BRCA2: variants seen among roughly 807,000 people sequenced by gnomAD.
BRCA2 encodes BRCA2 DNA repair associated, also known as breast cancer type 2 susceptibility protein.
Under a neutral mutation model 276.7 loss-of-function variants are expected in BRCA2, and 203 were observed. That is an observed-to-expected ratio of 0.73 (90% CI 0.65 to 0.82). BRCA2 has a LOEUF of 0.82. Ranked by LOEUF, BRCA2 falls within the 40% of genes least tolerant of loss-of-function variation. The pLI is 0.00. For missense variants in BRCA2, 3,920 were observed against 3,915.0 expected, an observed-to-expected ratio of 1.00 and a Z score of -0.03; for synonymous variants, 1,289 against 1,338.4, an observed-to-expected ratio of 0.96 and a Z score of 0.81.
chr13:32,350,329 A>G (rs1015250866), intron 13 of BRCA2, among the ~76,000 whole-genome samples: 1 of 152,228 alleles, frequency 6.6e-6, no homozygotes, highest in Non-Finnish European at 1.5e-5. Flanking sequence ...AACAGAATGA[A>G]AAGAGGTTTA....
intron 12 of BRCA2, 93 bp from the exon 13 acceptor site, chr13:32,346,734 C>T: frequency 1.0e-6 from 1 of 954,154 alleles, no homozygotes; most frequent in Non-Finnish European, 1.6e-6. Context: ...ATTGTAAAGC[C>T]TATAATTGTC....
At chr13:32,377,223 C>T (rs550297568) in intron 21 of BRCA2, among the ~76,000 whole-genome samples, 15 of 152,146 alleles carry the variant, frequency 9.9e-5, no homozygotes, top group South Asian at 2.1e-4. Flanking sequence ...GAAATGTTTC[C>T]GAAGCACTAA....
chr13:32,396,270 G>A (rs548917579), intron 25 of BRCA2, among the ~76,000 whole-genome samples: 4 of 152,154 alleles, frequency 2.6e-5, no homozygotes, highest in Admixed American at 2.6e-4. Context: ...CACCGAGCCC[G>A]CATTTTCTCT....
chr13:32,397,588 G>C (rs11571826), intron 26 of BRCA2, among the ~76,000 whole-genome samples: 1 of 151,968 alleles, frequency 6.6e-6, no homozygotes, highest in Non-Finnish European at 1.5e-5. Flanking sequence ...TCTCATCACT[G>C]TTCTAACAAA....
Position 32,326,169 on chromosome 13 carries a change from C to T in BRCA2, c.475+19C>T, listed in dbSNP as rs1254377915. On this transcript the variant is annotated intron_variant, in intron 5 of 26. Transcript: ENST00000380152. ...AAGTCAGGTATGATTAAAAACAATG[C>T]TTTTTATTCTTAGAATACTAGAAAT... 2.5e-6 allele frequency: 4 copies of T among 1,606,862 alleles called. No individual in the cohort carries two copies. The highest frequency in any genetic ancestry group is 1.1e-5 in the South Asian group (1 of 90,832).
At position 32,337,649 on chromosome 13, in the gene BRCA2, T is replaced by C; in HGVS notation, c.3294T>C (p.Asn1098=). Residue 1098 remains asparagine (N), a synonymous_variant, in exon 11 of 27, where the codon AAT becomes AAC. Coordinates refer to ENST00000380152, the MANE Select transcript of BRCA2 (RefSeq NM_000059.4). The part of the protein sequence containing the change: ...PQMLFSKQDF[N]SNHNLTPSQK... The stretch of plus-strand genomic sequence containing the variant: ...TGTTATTTTCCAAGCAGGATTTTAA[T>C]TCAAACCATAATTTAACACCTAGCC... 6.3e-7 allele frequency: 1 copy of C among 1,588,508 alleles called. No homozygotes were observed. The highest frequency in any genetic ancestry group is 1.7e-4 in the Middle Eastern group (1 of 5,912).
intron 3 of BRCA2, among the ~76,000 whole-genome samples, chr13:32,321,471 T>C (rs1439401881): frequency 6.6e-6 from 1 of 152,232 alleles, no homozygotes; most frequent in African/African-American, 2.4e-5. Flanking sequence ...CAGTTTTTGC[T>C]GAATCTTGAA....
intron 18 of BRCA2, among the ~76,000 whole-genome samples, chr13:32,368,649 T>G (rs1275848028): frequency 6.6e-6 from 1 of 151,980 alleles, no homozygotes; most frequent in Non-Finnish European, 1.5e-5. Context: ...AGGGTAGTAA[T>G]GTAGTGATTT....
At chr13:32,350,961 G>A (rs577294030) in intron 13 of BRCA2, among the ~76,000 whole-genome samples, 1 of 152,040 alleles carries the variant, frequency 6.6e-6, no homozygotes, top group South Asian at 2.1e-4. Flanking sequence ...TCTGTGTCTA[G>A]CTAAAGGTTT....
Position 32,337,833 on chromosome 13 carries a change from A to C in BRCA2, c.3478A>C (p.Arg1160=). ...TILKTTSEEC[R]DADLHVIMNA... ...CTTAAAGACCACTTCTGAGGAATGC[A>C]GAGATGCTGATCTTCATGTCATAAT... Residue 1160 remains arginine (R), a synonymous_variant, in exon 11 of 27, where the codon AGA becomes CGA. Coordinates refer to ENST00000380152, the MANE Select transcript of BRCA2 (RefSeq NM_000059.4). The C allele has an allele frequency of 6.2e-7, 1 of 1,614,096 alleles. No homozygotes were observed. The highest frequency in any genetic ancestry group is 8.5e-7 in the Non-Finnish European group (1 of 1,179,972).
rs730881585 is a variant in BRCA2 at position 32,332,537 on chromosome 13, A to G, written c.1059A>G (p.Ser353=). ...AAAACCAAGTGAAAGAAAAATACTC[A>G]TTTGTATCTGAAGTGGAACCAAATG... ...KSKNQVKEKY[S]FVSEVEPNDT... Residue 353 remains serine (S), a synonymous_variant, in exon 10 of 27, where the codon TCA becomes TCG. Transcript: ENST00000380152. 3.0e-5 allele frequency: 49 copies of G among 1,612,472 alleles called. No homozygotes were observed. Among genetic ancestry groups the G allele is most frequent in the Non-Finnish European group, 4.1e-5 (48 of 1,179,666 alleles).
intron 11 of BRCA2, among the ~76,000 whole-genome samples, chr13:32,343,139 G>T (rs1221547082): frequency 5.9e-5 from 9 of 151,962 alleles, no homozygotes; most frequent in African/African-American, 2.2e-4. Context: ...ATGTCATTAT[G>T]TGGCAAATGA....
chr13:32,322,249 G>A (rs2072310663), intron 3 of BRCA2, among the ~76,000 whole-genome samples: 1 of 152,114 alleles, frequency 6.6e-6, no homozygotes, highest in Non-Finnish European at 1.5e-5. Flanking sequence ...ACAGAATATA[G>A]CATTTTCAGA....
chr13:32,340,865 A>C lies in BRCA2; in HGVS notation c.6510A>C (p.Lys2170Asn). ...AACAACAGTTGGTATTAGGAACCAA[A>C]GTGTCACTTGTTGAGAACATTCATG... is the stretch of plus-strand genomic sequence containing the variant. ...QDKQQLVLGT[K>N]VSLVENIHVL... The change falls in exon 11 of 27, where the codon AAA becomes AAC. Residue 2170 changes from lysine (K) to asparagine (N), a missense_variant. By Grantham distance (94) the Lys-to-Asn change is moderately conservative (BLOSUM62 0). Coordinates refer to ENST00000380152, the MANE Select transcript of BRCA2 (RefSeq NM_000059.4). 1 of 1,600,566 alleles carries C rather than the reference A, an allele frequency of 6.2e-7. No individual in the cohort carries two copies. The highest frequency in any genetic ancestry group is 1.1e-5 in the South Asian group (1 of 87,652).
At chr13:32,381,434 G>A (rs960143636) in intron 24 of BRCA2, among the ~76,000 whole-genome samples, 1 of 152,144 alleles carries the variant, frequency 6.6e-6, no homozygotes, top group African/African-American at 2.4e-5. Flanking sequence ...TGAGGAGAGA[G>A]ACCTCCCTGG....
At chr13:32,361,144 A>G (rs1256112203) in intron 16 of BRCA2, among the ~76,000 whole-genome samples, 1 of 152,224 alleles carries the variant, frequency 6.6e-6, no homozygotes, top group Non-Finnish European at 1.5e-5. Flanking sequence ...CTTGAAGGCC[A>G]TGAAAAAGAG....
chr13:32,350,530 A>C (rs1048693857), intron 13 of BRCA2, among the ~76,000 whole-genome samples: 5 of 152,128 alleles, frequency 3.3e-5, no homozygotes, highest in African/African-American at 1.2e-4. Context: ...CGGGTGGATC[A>C]CAAGGTCAGG....
Position 32,338,115 on chromosome 13 carries a change from G to A in BRCA2, c.3760G>A (p.Glu1254Lys), listed in dbSNP as rs771112270. ...IENISEETSA[E>K]VHPISLSSSK... ...GAATATTAGTGAGGAAACTTCTGCA[G>A]AGGTACATCCAATAAGTTTATCTTC... Residue 1254 changes from glutamate (E) to lysine (K), a missense_variant, in exon 11 of 27, where the codon GAG becomes AAG. Physicochemically the swap from Glu to Lys is moderately conservative, Grantham distance 56 (BLOSUM62 1). Transcript: ENST00000380152. 1 of 1,609,474 alleles carries A rather than the reference G, an allele frequency of 6.2e-7. No individual in the cohort carries two copies. The highest frequency in any genetic ancestry group is 2.2e-5 in the East Asian group (1 of 44,856).
chr13:32,356,045 C>T (rs182212792), intron 14 of BRCA2, among the ~76,000 whole-genome samples: 24 of 149,374 alleles, frequency 1.6e-4, no homozygotes, highest in African/African-American at 4.2e-4. Flanking sequence ...ACAGGGCTTG[C>T]GCTTTTTTTT....
Sources: gnomAD v4.1 joint callset for allele counts (sites outside exome capture counted in the v4.1 genomes callset) on GRCh38, gnomAD v4.1.1 for gene constraint, MANE v1.5 for transcripts, NCBI Gene and HGNC (gene_info 2026-07-23, HGNC 2026-07-21) for gene names.